The following NFIA variants were observed in gnomAD, a reference collection of about 807,000 sequenced individuals.
NFIA encodes the protein nuclear factor I A.
A neutral mutation model predicts 62.8 loss-of-function variants in NFIA; 8 were observed. The ratio of observed to expected loss-of-function variants is 0.13; its 90% CI spans 0.07 to 0.23. The LOEUF is 0.23. NFIA is among the 10% of genes least tolerant of loss of function. NFIA has a pLI of 1.00. For synonymous variants in NFIA, 235 were observed against 238.1 expected (o/e 0.99, Z 0.12); for missense variants, 410 against 642.1 (o/e 0.64, Z 3.91).
chr1:61,114,390 T>C (rs1262763104), intron 2 of NFIA, among the ~76,000 whole-genome samples: 2 of 152,064 alleles, frequency 1.3e-5, no homozygotes, highest in Non-Finnish European at 2.9e-5. Context: ...CTCAGGAGAC[T>C]GAGGTGGGAG....
rs117031912 is a variant in NFIA at position 61,320,074 on chromosome 1, T to C, written c.626-12438T>C. Reference sequence around the variant, plus strand: ...TATGCTGATTTCTGTTGTCAAATATTGGCCCTTTTCTCTTCCAACCACTCC... The same window carrying C: ...TATGCTGATTTCTGTTGTCAAATATCGGCCCTTTTCTCTTCCAACCACTCC... On this transcript the variant is annotated intron_variant, in intron 3 of 10. Coordinates refer to ENST00000403491, the MANE Select transcript of NFIA (RefSeq NM_001134673.4). Among the ~76,000 whole-genome samples, 249 of 152,116 alleles carry C rather than the reference T, an allele frequency of 1.6e-3. 6 individuals carry two copies. In the East Asian group the frequency reaches 0.017, roughly 10 times the overall value.
intron 3 of NFIA, among the ~76,000 whole-genome samples, chr1:61,326,266 A>G (rs1157855466): frequency 6.6e-6 from 1 of 152,204 alleles, no homozygotes; most frequent in Non-Finnish European, 1.5e-5. Flanking sequence ...GACAATCCCC[A>G]GGCATTTATC....
chr1:61,154,238 GC>G (rs1339524564), intron 2 of NFIA, among the ~76,000 whole-genome samples: 1 of 152,058 alleles, frequency 6.6e-6, no homozygotes, highest in Admixed American at 6.6e-5. Flanking sequence ...AACCAAGTGA[GC>G]CTTGGCTCAC....
chr1:61,240,213 A>G (rs1392674369), intron 2 of NFIA, among the ~76,000 whole-genome samples: 1 of 152,114 alleles, frequency 6.6e-6, no homozygotes, highest in African/African-American at 2.4e-5. Flanking sequence ...TTTCAAGTGT[A>G]AAAAGCACTG....
At chr1:61,355,188 C>T (rs1326736099) in intron 5 of NFIA, among the ~76,000 whole-genome samples, 1 of 152,098 alleles carries the variant, frequency 6.6e-6, no homozygotes, top group Non-Finnish European at 1.5e-5. Flanking sequence ...GTGCATCACT[C>T]CTTAGGAGAA....
intron 6 of NFIA, among the ~76,000 whole-genome samples, chr1:61,379,794 C>A (rs979410111): frequency 3.9e-5 from 6 of 152,096 alleles, no homozygotes; most frequent in African/African-American, 1.4e-4. Flanking sequence ...CTGAAGCAAT[C>A]CTCCTGTCTC....
At chr1:61,090,231 T>A (rs1646296826) in intron 2 of NFIA, among the ~76,000 whole-genome samples, 1 of 152,232 alleles carries the variant, frequency 6.6e-6, no homozygotes, top group Non-Finnish European at 1.5e-5. Context: ...GCAAAAAAAG[T>A]ATAGGTGTTA....
intron 2 of NFIA, among the ~76,000 whole-genome samples, chr1:61,137,785 A>G (rs2100499945): frequency 6.6e-6 from 1 of 152,324 alleles, no homozygotes; most frequent in East Asian, 1.9e-4. Context: ...AGATTTGCCA[A>G]GGTTGATTAT....
intron 2 of NFIA, among the ~76,000 whole-genome samples, chr1:61,112,517 C>A (rs1309197098): frequency 6.6e-6 from 1 of 152,086 alleles, no homozygotes; most frequent in African/African-American, 2.4e-5. Flanking sequence ...TTTCTTTTGG[C>A]TATTGCTGGA....
chr1:61,263,355 G>C (rs1240879803), intron 2 of NFIA, among the ~76,000 whole-genome samples: 2 of 152,176 alleles, frequency 1.3e-5, no homozygotes, highest in African/African-American at 2.4e-5. Flanking sequence ...GATGCTGCCA[G>C]GGTTTAAACA....
At chr1:61,385,136 C>G (rs1013156503) in intron 7 of NFIA, among the ~76,000 whole-genome samples, 3 of 152,060 alleles carry the variant, frequency 2.0e-5, no homozygotes, top group African/African-American at 7.2e-5. Flanking sequence ...ACCTGTGAGG[C>G]TGAGGCAGGA....
At chr1:61,375,091 T>C (rs958115214) in intron 6 of NFIA, among the ~76,000 whole-genome samples, 1 of 152,224 alleles carries the variant, frequency 6.6e-6, no homozygotes, top group African/African-American at 2.4e-5. Context: ...ACAGCCTTTA[T>C]TTGGCATCAT....
At chr1:61,393,473 G>T (rs1335322913) in intron 7 of NFIA, among the ~76,000 whole-genome samples, 1 of 151,212 alleles carries the variant, frequency 6.6e-6, no homozygotes, top group East Asian at 2.0e-4. Context: ...AGAAAAAAGA[G>T]CAGCTTTTCA....
At chr1:61,101,411 A>AT (rs1646506646) in intron 2 of NFIA, among the ~76,000 whole-genome samples, 1 of 152,036 alleles carries the variant, frequency 6.6e-6, no homozygotes, top group South Asian at 2.1e-4. Context: ...AAAAAAAAAA[A>AT]AAAGTAGTTC....
chr1:61,151,435 G>T (rs556682761), intron 2 of NFIA, among the ~76,000 whole-genome samples: 1 of 147,864 alleles, frequency 6.8e-6, no homozygotes. Flanking sequence ...GATCCAATGT[G>T]CAGAGAAGGC....
intron 2 of NFIA, among the ~76,000 whole-genome samples, chr1:61,174,944 C>G (rs1347819357): frequency 6.6e-6 from 1 of 151,998 alleles, no homozygotes; most frequent in Non-Finnish European, 1.5e-5. Context: ...CAGTGAGGAG[C>G]ACCTTTGTAG....
At chr1:61,331,747 G>A (rs1445041066) in intron 3 of NFIA, among the ~76,000 whole-genome samples, 3 of 152,048 alleles carry the variant, frequency 2.0e-5, no homozygotes, top group African/African-American at 7.2e-5. Flanking sequence ...TAAGTTCTAT[G>A]TTTCTGAATG....
rs35661377 is a variant in NFIA, at chr1:61,334,535, A to ATGTGTGTGTGTGTGTGTGTG, written c.700+1951_700+1970dup. ...GGGGAGTATTTGTGTGTGTGTATAT[A>ATGTGTGTGTGTGTGTGTGTG]TGTGTGTGTGTGTGTGTGTGTATAT... On this transcript the variant is annotated intron_variant, in intron 4 of 10. Coordinates refer to ENST00000403491, the MANE Select transcript of NFIA (RefSeq NM_001134673.4). Among the ~76,000 whole-genome samples the ATGTGTGTGTGTGTGTGTGTG allele has an allele frequency of 1.9e-3, 112 of 58,542 alleles. 5 individuals carry two copies. The highest frequency in any genetic ancestry group is 0.011 in the African/African-American group (98 of 8,682). 38.4% of individuals were successfully genotyped at this position (58,542 alleles called of 152,430 possible).
intron 2 of NFIA, among the ~76,000 whole-genome samples, chr1:61,276,511 C>G (rs1026488276): frequency 9.9e-5 from 15 of 152,126 alleles, no homozygotes; most frequent in African/African-American, 3.6e-4. Context: ...TCCGCAGATA[C>G]AGAGGTTTTG....
Sources: gnomAD v4.1 joint callset for allele counts (sites outside exome capture counted in the v4.1 genomes callset) on GRCh38, gnomAD v4.1.1 for gene constraint, MANE v1.5 for transcripts, NCBI Gene and HGNC (gene_info 2026-07-23, HGNC 2026-07-21) for gene names.